The following LYPLAL1 variants were observed in gnomAD, a reference collection of about 807,000 sequenced individuals.
LYPLAL1 encodes lysophospholipase-like protein 1.
LYPLAL1 carries 23 observed loss-of-function variants against 19.7 expected under a neutral mutation model. That is an observed-to-expected ratio of 1.17 (90% CI 0.84 to 1.65). The LOEUF is 1.65. Ranked by LOEUF, LYPLAL1 falls within the 40% of genes most tolerant of loss-of-function variation. The pLI, the probability that LYPLAL1 is intolerant of heterozygous loss-of-function variation, is 0.00. For synonymous variants in LYPLAL1, 119 were observed against 96.3 expected (o/e 1.24, Z -1.38); for missense variants, 355 against 279.4 (o/e 1.27, Z -1.93).
chr1:219,307,146 A>G, the LYPLAL1 span, among the ~76,000 whole-genome samples: 10 of 152,160 alleles, frequency 6.6e-5, no homozygotes, highest in African/African-American at 2.2e-4. Flanking sequence ...CTCTTGAGCA[A>G]TGGAAGTATG....
At chr1:219,440,112 G>A in the LYPLAL1 span, among the ~76,000 whole-genome samples, 1 of 149,288 alleles carries the variant, frequency 6.7e-6, no homozygotes, top group African/African-American at 2.5e-5. Context: ...TCTCTTTTCA[G>A]TAATCATATT....
the LYPLAL1 span, among the ~76,000 whole-genome samples, chr1:219,296,722 A>T: frequency 6.6e-6 from 1 of 152,238 alleles, no homozygotes; most frequent in East Asian, 1.9e-4. Context: ...ATCCATGCAT[A>T]CTTCCAACAT....
At chr1:219,358,130 G>A in the LYPLAL1 span, among the ~76,000 whole-genome samples, 1 of 152,126 alleles carries the variant, frequency 6.6e-6, no homozygotes, top group Non-Finnish European at 1.5e-5. Flanking sequence ...GACACCAAGA[G>A]TGGACTTCAG....
At chr1:219,334,528 T>TGG in the LYPLAL1 span, among the ~76,000 whole-genome samples, 10 of 42,074 alleles carry the variant, frequency 2.4e-4, no homozygotes, top group Admixed American at 2.1e-3. Flanking sequence ...TGAAGAGGGG[T>TGG]GTGTGTGTGT....
chr1:219,308,773 T>C, the LYPLAL1 span, among the ~76,000 whole-genome samples: 1 of 152,202 alleles, frequency 6.6e-6, no homozygotes, highest in African/African-American at 2.4e-5. Context: ...GGCAGAAGTT[T>C]GCTGCAGGAG....
the LYPLAL1 span, among the ~76,000 whole-genome samples, chr1:219,219,464 C>T: frequency 6.6e-6 from 1 of 152,184 alleles, no homozygotes; most frequent in Non-Finnish European, 1.5e-5. Flanking sequence ...GGACCAATAT[C>T]AGTCACAGGA....
the LYPLAL1 span, among the ~76,000 whole-genome samples, chr1:219,274,973 T>A: frequency 6.6e-6 from 1 of 152,216 alleles, no homozygotes; most frequent in Non-Finnish European, 1.5e-5. Flanking sequence ...CAATACGAGT[T>A]ATTTTTCCTA....
chr1:219,333,956 A>G, the LYPLAL1 span, among the ~76,000 whole-genome samples: 1 of 152,064 alleles, frequency 6.6e-6, no homozygotes, highest in Non-Finnish European at 1.5e-5. Context: ...GACTTGAGAA[A>G]GATTGACATA....
the LYPLAL1 span, among the ~76,000 whole-genome samples, chr1:219,321,720 T>G: frequency 2.6e-5 from 4 of 152,128 alleles, no homozygotes; most frequent in Non-Finnish European, 5.9e-5. Flanking sequence ...CAGATTTGTT[T>G]GACAAGTTCT....
At chr1:219,237,246 C>T in the LYPLAL1 span, among the ~76,000 whole-genome samples, 2 of 152,164 alleles carry the variant, frequency 1.3e-5, no homozygotes, top group Non-Finnish European at 1.5e-5. Flanking sequence ...ACATGGATTA[C>T]TATATGTTTC....
At chr1:219,377,003 G>A in the LYPLAL1 span, among the ~76,000 whole-genome samples, 1 of 152,112 alleles carries the variant, frequency 6.6e-6, no homozygotes, top group Non-Finnish European at 1.5e-5. Flanking sequence ...AGAATTGAAG[G>A]CAGTGTCTCA....
the LYPLAL1 span, among the ~76,000 whole-genome samples, chr1:219,422,768 T>G: frequency 1.3e-5 from 2 of 152,146 alleles, no homozygotes; most frequent in Non-Finnish European, 2.9e-5. Context: ...TAACTATCTG[T>G]GTGTGTGAAA....
chr1:219,314,807 C>T, the LYPLAL1 span, among the ~76,000 whole-genome samples: 2 of 152,198 alleles, frequency 1.3e-5, no homozygotes, highest in Non-Finnish European at 2.9e-5. Context: ...TTTATTGATC[C>T]ATTAACGCAA....
chr1:219,367,169 A>C, the LYPLAL1 span, among the ~76,000 whole-genome samples: 2 of 152,150 alleles, frequency 1.3e-5, no homozygotes, highest in Non-Finnish European at 2.9e-5. Context: ...GGAAACAAGT[A>C]AACAAAAGGC....
intron 3 of LYPLAL1, among the ~76,000 whole-genome samples, chr1:219,207,472 A>G (rs1572210554): frequency 6.6e-6 from 1 of 151,918 alleles, no homozygotes; most frequent in South Asian, 2.1e-4. Flanking sequence ...TTTAAGCTTT[A>G]CTTTTATATC....
At chr1:219,384,924 G>A in the LYPLAL1 span, among the ~76,000 whole-genome samples, 13 of 152,280 alleles carry the variant, frequency 8.5e-5, no homozygotes, top group Non-Finnish European at 1.5e-4. Flanking sequence ...AAGAGACTGC[G>A]TAGTAATTCT....
chr1:219,291,154 T>C, the LYPLAL1 span, among the ~76,000 whole-genome samples: 1 of 152,194 alleles, frequency 6.6e-6, no homozygotes, highest in Non-Finnish European at 1.5e-5. Flanking sequence ...TTATGATGTT[T>C]CATACAATGG....
Position 219,193,120 on chromosome 1 carries a change from G to T in LYPLAL1, c.230G>T (p.Trp77Leu), listed in dbSNP as rs765478843. 6.2e-7 allele frequency: 1 copy of T among 1,601,006 alleles called. No individual in the cohort carries two copies. Among genetic ancestry groups the T allele is most frequent in the Non-Finnish European group, 8.5e-7 (1 of 1,171,790 alleles). ...ATGAAAGGAGGAATCTCCAATGTATGGTTTGACAGATTTAAAATAACCAAT... is the reference window on the plus strand; with the variant it reads ...ATGAAAGGAGGAATCTCCAATGTATTGTTTGACAGATTTAAAATAACCAAT... ...TPMKGGISNV[W>L]FDRFKITNDC... Residue 77 changes from tryptophan (W) to leucine (L), a missense_variant, in exon 3 of 5, where the codon TGG (tryptophan) becomes TTG (leucine). Trp to Leu is a moderately conservative substitution (Grantham distance 61). Transcript: ENST00000366928.
At chr1:219,186,250 T>C (rs1181832398) in intron 2 of LYPLAL1, among the ~76,000 whole-genome samples, 1 of 151,938 alleles carries the variant, frequency 6.6e-6, no homozygotes, top group African/African-American at 2.4e-5. Context: ...TGGGACCTTT[T>C]TATGGCTTTG....
Sources: gnomAD v4.1 joint callset for allele counts (sites outside exome capture counted in the v4.1 genomes callset) on GRCh38, gnomAD v4.1.1 for gene constraint, MANE v1.5 for transcripts, NCBI Gene and HGNC (gene_info 2026-07-23, HGNC 2026-07-21) for gene names.